The following TSPAN2 variants were observed in gnomAD, a reference collection of about 807,000 sequenced individuals.
TSPAN2 encodes tetraspanin 2, also known as tetraspanin-2.
In TSPAN2, 24 loss-of-function variants were observed where a neutral mutation model predicts 33.3. The ratio of observed to expected loss-of-function variants is 0.72; its 90% CI spans 0.52 to 1.01. TSPAN2 has a LOEUF of 1.01. Ranked by LOEUF, TSPAN2 falls within the 50% of genes least tolerant of loss-of-function variation. TSPAN2 has a pLI of 0.00. For synonymous variants in TSPAN2, 114 were observed against 104.5 expected (o/e 1.09, Z -0.56); for missense variants, 278 against 281.3 (o/e 0.99, Z 0.08).
At chr1:115,076,038 AC>A (rs1427770612) in intron 1 of TSPAN2, among the ~76,000 whole-genome samples, 2 of 152,188 alleles carry the variant, frequency 1.3e-5, no homozygotes, top group South Asian at 2.1e-4. Context: ...CACATAAAGT[AC>A]TAAGTGCACT....
Position 115,048,292 on chromosome 1 carries a change from T to G in TSPAN2, c.*2198A>C, listed in dbSNP as rs1675212551. The G allele has an allele frequency of 9.7e-5, 1 of 10,262 alleles. No individual in the cohort carries two copies. The highest frequency in any genetic ancestry group is 3.0e-3 in the South Asian group (1 of 334). The allele number at this position is 10,262 out of a possible 1,614,324, so 0.6% of individuals were successfully genotyped here. A position where few individuals can be genotyped will look rare whatever the true frequency, so the allele number is the denominator to read the frequency against. The stretch of plus-strand genomic sequence containing the variant: ...GGATTATATATCTATATATATTATA[T>G]GTGTGTCTATACAGATATATATATA... On this transcript the variant is annotated 3_prime_UTR_variant, in exon 8 of 8. Transcript: ENST00000369516.
chr1:115,073,967 A>G (rs1486721709), intron 1 of TSPAN2, among the ~76,000 whole-genome samples: 1 of 152,176 alleles, frequency 6.6e-6, no homozygotes, highest in African/African-American at 2.4e-5. Context: ...ATTTCACTGT[A>G]TCAATCCATC....
At chr1:115,059,090 C>G in intron 4 of TSPAN2, 109 bp from the exon 5 acceptor site, 1 of 846,678 alleles carries the variant, frequency 1.2e-6, no homozygotes, top group Non-Finnish European at 1.9e-6. Context: ...CACTGCCTTT[C>G]TCATAAGAAT....
chr1:115,057,374 T>A (rs1485225145), intron 6 of TSPAN2, among the ~76,000 whole-genome samples, 163 bp downstream of exon 6: 2 of 152,208 alleles, frequency 1.3e-5, no homozygotes, highest in African/African-American at 2.4e-5. Context: ...GCCTTCCCAA[T>A]GGGTCTCTCA....
chr1:115,065,917 C>T (rs1162058113), intron 2 of TSPAN2, among the ~76,000 whole-genome samples: 3 of 152,134 alleles, frequency 2.0e-5, no homozygotes, highest in East Asian at 1.9e-4. Context: ...CTACACTCTG[C>T]GGCCTCCAGT....
chr1:115,071,809 G>C (rs1557881618), intron 2 of TSPAN2, among the ~76,000 whole-genome samples: 2 of 152,228 alleles, frequency 1.3e-5, no homozygotes, highest in Non-Finnish European at 2.9e-5. Flanking sequence ...GGAGGATGCT[G>C]TGTGGGAAGA....
At chr1:115,089,315 C>CCCCCCCCCGCCCCCAGCCCA in intron 1 of TSPAN2, 49 bp downstream of exon 1, 3 of 1,435,408 alleles carry the variant, frequency 2.1e-6, no homozygotes, top group South Asian at 2.6e-5. Context: ...GCCCCGCGCC[C>CCCCCCCCCGCCCCCAGCCCA]GCCACCCGGC....
At chr1:115,062,796 C>T (rs748207371) in intron 2 of TSPAN2, among the ~76,000 whole-genome samples, 6 of 152,194 alleles carry the variant, frequency 3.9e-5, no homozygotes, top group Non-Finnish European at 8.8e-5. Context: ...GCTGGTGCCC[C>T]GCCTCTGTGG....
chr1:115,067,906 T>A (rs1648012611), intron 2 of TSPAN2, among the ~76,000 whole-genome samples: 1 of 152,118 alleles, frequency 6.6e-6, no homozygotes, highest in African/African-American at 2.4e-5. Context: ...GTCTGCCCAC[T>A]CCAGAGAGGG....
chr1:115,069,124 G>C (rs1313647831), intron 2 of TSPAN2, among the ~76,000 whole-genome samples: 1 of 152,218 alleles, frequency 6.6e-6, no homozygotes, highest in Non-Finnish European at 1.5e-5. Flanking sequence ...GCTGCCTTAG[G>C]AAAGGGAGAT....
intron 2 of TSPAN2, among the ~76,000 whole-genome samples, chr1:115,068,148 TGAG>T (rs1453159153): frequency 2.0e-5 from 3 of 152,160 alleles, no homozygotes; most frequent in Non-Finnish European, 2.9e-5. Context: ...CAGAGGGCCC[TGAG>T]AAGAGACACA....
intron 1 of TSPAN2, among the ~76,000 whole-genome samples, chr1:115,084,205 T>C (rs193295732): frequency 6.6e-6 from 1 of 152,366 alleles, no homozygotes; most frequent in East Asian, 1.9e-4. Context: ...ATTTACTGTA[T>C]GCATGAACCA....
intron 2 of TSPAN2, among the ~76,000 whole-genome samples, chr1:115,066,218 G>A (rs1221371787): frequency 1.3e-5 from 2 of 152,178 alleles, no homozygotes; most frequent in Non-Finnish European, 2.9e-5. Flanking sequence ...TGGGAGTGCA[G>A]ATGTCTCTTT....
rs1308340085 is a variant in TSPAN2 at position 115,073,025 on chromosome 1, CTG to C, written c.70-20_70-19del. ...CCAGCCAGCTGGAAGGCAAACGACACTGTGTTTACAGTGGAAGGGGAAAGAGC... is the reference window on the plus strand; with the variant it reads ...CCAGCCAGCTGGAAGGCAAACGACACTGTTTACAGTGGAAGGGGAAAGAGC... On this transcript the variant is annotated intron_variant, in intron 1 of 7. Transcript: ENST00000369516. 2 of 1,607,310 alleles carry C rather than the reference CTG, an allele frequency of 1.2e-6. No individual in the cohort carries two copies. Among genetic ancestry groups the C allele is most frequent in the Non-Finnish European group, 1.7e-6 (2 of 1,173,832 alleles).
intron 5 of TSPAN2, 52 bp downstream of exon 5, chr1:115,058,831 C>G: frequency 7.0e-7 from 1 of 1,418,520 alleles, no homozygotes; most frequent in Non-Finnish European, 1.0e-6. Flanking sequence ...GAACCTGGCT[C>G]ACACATAATC....
rs1675284118 is a variant in TSPAN2, at chr1:115,050,464, A to C, written c.*26T>G. 1 of 1,606,784 alleles carries C rather than the reference A, an allele frequency of 6.2e-7. No individual in the cohort carries two copies. Reference sequence around the variant, plus strand: ...GTGACATTTGGTATGAAAGCTTTAGATTGCAATTTTCATGTAGAAGTAGCT... The same window carrying C: ...GTGACATTTGGTATGAAAGCTTTAGCTTGCAATTTTCATGTAGAAGTAGCT... On this transcript the variant is annotated 3_prime_UTR_variant, in exon 8 of 8. Transcript: ENST00000369516.
intron 7 of TSPAN2, among the ~76,000 whole-genome samples, chr1:115,052,752 CAG>C (rs1557875298): frequency 6.6e-6 from 1 of 152,176 alleles, no homozygotes; most frequent in Non-Finnish European, 1.5e-5. Context: ...GTAGATTATG[CAG>C]AGAGCTGGCA....
At chr1:115,054,895 G>A (rs1243061406) in intron 6 of TSPAN2, among the ~76,000 whole-genome samples, 1 of 152,154 alleles carries the variant, frequency 6.6e-6, no homozygotes, top group Non-Finnish European at 1.5e-5. Context: ...GCTGAGGCAG[G>A]AGGATCACTT....
intron 2 of TSPAN2, among the ~76,000 whole-genome samples, chr1:115,065,071 C>T (rs1647891319): frequency 2.0e-5 from 3 of 152,212 alleles, no homozygotes. Flanking sequence ...CTAGCAGCTT[C>T]AACTTTGAGG....
Sources: gnomAD v4.1 joint callset for allele counts (sites outside exome capture counted in the v4.1 genomes callset) on GRCh38, gnomAD v4.1.1 for gene constraint, MANE v1.5 for transcripts, NCBI Gene and HGNC (gene_info 2026-07-23, HGNC 2026-07-21) for gene names.